Variants in KAZN observed in about 807,000 individuals in gnomAD.
KAZN encodes kazrin.
A neutral mutation model predicts 87.4 loss-of-function variants in KAZN; 40 were observed. The observed-to-expected ratio is 0.46, with a 90% confidence interval of 0.36 to 0.60. KAZN has a LOEUF of 0.60. KAZN is among the 20% of genes least tolerant of loss of function. The pLI, the probability that KAZN is intolerant of heterozygous loss-of-function variation, is 0.00. For missense variants in KAZN, 898 were observed against 1,073.9 expected (o/e 0.84, Z 2.29); for synonymous variants, 466 against 458.3 (o/e 1.02, Z -0.22).
At chr1:15,033,078 A>G (rs1298137843) in intron 2 of KAZN, among the ~76,000 whole-genome samples, 2 of 152,164 alleles carry the variant, frequency 1.3e-5, no homozygotes, top group Admixed American at 6.5e-5. Flanking sequence ...TTCATGTGGC[A>G]TTTATATTTT....
At chr1:14,661,055 G>A (rs1396136301) in intron 1 of KAZN, among the ~76,000 whole-genome samples, 2 of 152,184 alleles carry the variant, frequency 1.3e-5, no homozygotes, top group Admixed American at 6.5e-5. Flanking sequence ...CTTTGACTCT[G>A]TGCCGAGCCC....
At chr1:14,002,664 A>G (rs753387506) in intron 1 of KAZN, among the ~76,000 whole-genome samples, 6 of 152,224 alleles carry the variant, frequency 3.9e-5, no homozygotes, top group Non-Finnish European at 5.9e-5. Context: ...ATACCATCTC[A>G]TGCCAGTCAG....
intron 6 of KAZN, chr1:15,063,156 C>T (rs1446435381): frequency 5.3e-6 from 1 of 187,756 alleles, no homozygotes; most frequent in Admixed American, 5.4e-5. Context: ...TACGTGGTCT[C>T]CCAAGTTTGT....
intron 1 of KAZN, among the ~76,000 whole-genome samples, chr1:14,699,781 C>T (rs578154533): frequency 1.6e-4 from 24 of 152,272 alleles, no homozygotes; most frequent in African/African-American, 4.1e-4. Context: ...GTCTGATTTG[C>T]GGAGTTTGCC....
chr1:15,099,824 C>T lies in KAZN; in HGVS notation c.1548-1719C>T, dbSNP rs1014348592. Among the ~76,000 whole-genome samples the T allele has an allele frequency of 2.0e-5, 3 of 152,142 alleles. No individual in the cohort carries two copies. Among genetic ancestry groups the T allele is most frequent in the Non-Finnish European group, 4.4e-5 (3 of 68,034 alleles). ...AACGGGGAGCAGCCGGGGAAAGTGGCAGAAACCCACACCAGAGACGCCTGC... is the reference window on the plus strand; with the variant it reads ...AACGGGGAGCAGCCGGGGAAAGTGGTAGAAACCCACACCAGAGACGCCTGC... On this transcript the variant is annotated intron_variant, in intron 10 of 14. Transcript: ENST00000376030. This position sits in a 1 kb window ranked among gnomAD's most constrained non-coding sequence, Gnocchi z 5.4.
intron 1 of KAZN, among the ~76,000 whole-genome samples, chr1:14,046,794 A>G (rs903378552): frequency 3.0e-4 from 45 of 152,366 alleles, no homozygotes; most frequent in Middle Eastern, 6.8e-3. Flanking sequence ...TCTCAAGGTC[A>G]TCTGGCAGCA....
At chr1:14,703,744 G>A (rs552091317) in intron 1 of KAZN, among the ~76,000 whole-genome samples, 1 of 152,124 alleles carries the variant, frequency 6.6e-6, no homozygotes. Context: ...GCCAGGCATG[G>A]TGGCACACAC....
At chr1:14,318,854 G>A (rs1368609500) in intron 2 of KAZN, among the ~76,000 whole-genome samples, 4 of 150,870 alleles carry the variant, frequency 2.7e-5, no homozygotes, top group African/African-American at 9.9e-5. Context: ...TATACGTCTA[G>A]AGACTTCATT....
chr1:15,043,193 C>T (rs1480721392), intron 3 of KAZN, among the ~76,000 whole-genome samples: 1 of 152,186 alleles, frequency 6.6e-6, no homozygotes. Context: ...GAGTGGTGGC[C>T]GGACCTTGTG....
intron 2 of KAZN, among the ~76,000 whole-genome samples, chr1:14,545,256 C>A (rs1008920702): frequency 2.0e-5 from 3 of 152,150 alleles, no homozygotes; most frequent in African/African-American, 7.2e-5. Flanking sequence ...AACTTGATGC[C>A]TTTGTCACAG....
chr1:14,899,527 G>A (rs1474122336), intron 1 of KAZN, among the ~76,000 whole-genome samples: 1 of 152,182 alleles, frequency 6.6e-6, no homozygotes, highest in Non-Finnish European at 1.5e-5. Flanking sequence ...ACCTAGAAAT[G>A]CCAAGCCTCT....
At chr1:13,914,978 C>T (rs1570265317) in intron 1 of KAZN, among the ~76,000 whole-genome samples, 1 of 152,190 alleles carries the variant, frequency 6.6e-6, no homozygotes, top group Non-Finnish European at 1.5e-5. Flanking sequence ...TTATACTGTG[C>T]CTGGATCCAT....
chr1:14,404,459 C>T (rs1663670560), intron 2 of KAZN, among the ~76,000 whole-genome samples: 1 of 152,184 alleles, frequency 6.6e-6, no homozygotes, highest in African/African-American at 2.4e-5. Context: ...TTCTTTCTAT[C>T]TCCCGTATCA....
chr1:13,973,579 G>A (rs1321524074), intron 1 of KAZN, among the ~76,000 whole-genome samples: 1 of 152,182 alleles, frequency 6.6e-6, no homozygotes. Flanking sequence ...TCAGGCCTAC[G>A]GTGTTACCAG....
chr1:14,449,301 A>G (rs1223818767), intron 2 of KAZN, among the ~76,000 whole-genome samples: 2 of 152,184 alleles, frequency 1.3e-5, no homozygotes, highest in East Asian at 3.9e-4. Context: ...GCTGCTGGCC[A>G]TCCTGGATTC....
chr1:14,067,244 C>G (rs79947695), intron 1 of KAZN, among the ~76,000 whole-genome samples: 274 of 152,280 alleles, frequency 1.8e-3, no homozygotes, highest in Non-Finnish European at 2.0e-3. Context: ...GGCTCTGAGT[C>G]TACGTTTGTT....
At chr1:14,736,148 C>T (rs544708533) in intron 1 of KAZN, among the ~76,000 whole-genome samples, 11 of 152,114 alleles carry the variant, frequency 7.2e-5, no homozygotes, top group Non-Finnish European at 1.5e-4. Context: ...GTTTCCTGTA[C>T]ATCTGTATTC....
chr1:14,629,403 TAGG>T (rs1327991265), intron 1 of KAZN, among the ~76,000 whole-genome samples: 4 of 152,164 alleles, frequency 2.6e-5, no homozygotes, highest in African/African-American at 9.7e-5. Flanking sequence ...CTAAGTCACT[TAGG>T]AGGTGATTTG....
chr1:14,682,730 A>C (rs2148765833), intron 1 of KAZN, among the ~76,000 whole-genome samples: 1 of 152,296 alleles, frequency 6.6e-6, no homozygotes, highest in Admixed American at 6.5e-5. Context: ...CTTGCCCTAA[A>C]CTATAAATTC....
Sources: gnomAD v4.1 joint callset for allele counts (sites outside exome capture counted in the v4.1 genomes callset) on GRCh38, gnomAD v4.1.1 for gene constraint, Gnocchi (gnomAD v3.1) non-coding constraint, MANE v1.5 for transcripts, NCBI Gene and HGNC (gene_info 2026-07-23, HGNC 2026-07-21) for gene names.